Variants in PRKCB observed in about 807,000 individuals in gnomAD.
PRKCB encodes protein kinase C beta.
In PRKCB, 13 loss-of-function variants were observed where a neutral mutation model predicts 81.5. That is an observed-to-expected ratio of 0.16 (90% confidence interval 0.10 to 0.25). The LOEUF is 0.25. Among genes scored for constraint, PRKCB ranks in the 10% least tolerant of loss-of-function variants. The pLI, the probability that PRKCB is intolerant of heterozygous loss-of-function variation, is 1.00. For synonymous variants in PRKCB, 335 were observed against 321.4 expected (o/e 1.04, Z -0.45); for missense variants, 509 against 875.7 (o/e 0.58, Z 5.29).
At chr16:23,990,261 A>G (rs1408154317) in intron 3 of PRKCB, among the ~76,000 whole-genome samples, 1 of 151,866 alleles carries the variant, frequency 6.6e-6, no homozygotes, top group Non-Finnish European at 1.5e-5. Context: ...GATCGAAACC[A>G]TCCTGGCTAA....
intron 10 of PRKCB, among the ~76,000 whole-genome samples, chr16:24,166,530 A>G (rs1967349797): frequency 6.6e-6 from 1 of 152,168 alleles, no homozygotes; most frequent in African/African-American, 2.4e-5. Context: ...TGTATTTTCC[A>G]CAATATACGT....
rs193172447 is a variant in PRKCB, at chr16:24,051,681, C to G, written c.529+16134C>G. Among the ~76,000 whole-genome samples, 13 of 151,764 alleles carry G rather than the reference C, an allele frequency of 8.6e-5. No individual in the cohort carries two copies. In the East Asian group the frequency reaches 2.5e-3, roughly 29 times the overall value. On this transcript the variant is annotated intron_variant, in intron 5 of 16. Transcript: ENST00000643927. ...TTGAGGCAAGGAGTTTGAGACCAGTCTGGGCAACATAGTGAGACCCCTGTC... is the reference window on the plus strand; with the variant it reads ...TTGAGGCAAGGAGTTTGAGACCAGTGTGGGCAACATAGTGAGACCCCTGTC...
chr16:23,959,966 A>G (rs867748162), intron 2 of PRKCB, among the ~76,000 whole-genome samples: 60 of 152,260 alleles, frequency 3.9e-4, no homozygotes, highest in Middle Eastern at 3.4e-3. Context: ...ATTTCATTGC[A>G]TTCTGGCCTG....
chr16:24,212,366 C>G (rs149287731), intron 16 of PRKCB, among the ~76,000 whole-genome samples: 8 of 122,838 alleles, frequency 6.5e-5, no homozygotes, highest in Admixed American at 2.9e-4. Flanking sequence ...TTTTATTACT[C>G]TTGTTATCTC....
chr16:23,941,653 T>C (rs1283790082), intron 2 of PRKCB, among the ~76,000 whole-genome samples: 1 of 152,140 alleles, frequency 6.6e-6, no homozygotes, highest in Non-Finnish European at 1.5e-5. Context: ...AAAAATATGA[T>C]CATAGATGCA....
chr16:23,838,638 A>G (rs1246876661), intron 2 of PRKCB, among the ~76,000 whole-genome samples: 2 of 152,186 alleles, frequency 1.3e-5, no homozygotes, highest in African/African-American at 4.8e-5. Flanking sequence ...GCACTGACTG[A>G]CAGTTTTGTG....
At position 24,218,661 on chromosome 16, in the gene PRKCB, A is replaced by G; in HGVS notation, c.*3845A>G. 1.0e-6 allele frequency: 1 copy of G among 985,390 alleles called. No individual in the cohort carries two copies. Among genetic ancestry groups the G allele is most frequent in the African/African-American group, 1.7e-5 (1 of 57,328 alleles). The allele number at this position is 985,390 out of a possible 1,614,324, so 61.0% of individuals were successfully genotyped here. A position where few individuals can be genotyped will look rare whatever the true frequency, so the allele number is the denominator to read the frequency against. On this transcript the variant is annotated 3_prime_UTR_variant, in exon 17 of 17. Coordinates refer to ENST00000643927, the MANE Select transcript of PRKCB (RefSeq NM_002738.7). ...GTGAACCCAGCAATGAGAGATCCTT[A>G]ACAGCTAGTGCCCATTAGGGGGCTA...
At chr16:24,129,760 A>T (rs1966850621) in intron 9 of PRKCB, among the ~76,000 whole-genome samples, 1 of 152,220 alleles carries the variant, frequency 6.6e-6, no homozygotes, top group East Asian at 1.9e-4. Context: ...TTTTCATAAC[A>T]TATCAAATAA....
chr16:23,891,376 A>G (rs939899623), intron 2 of PRKCB, among the ~76,000 whole-genome samples: 3 of 152,094 alleles, frequency 2.0e-5, no homozygotes, highest in Non-Finnish European at 2.9e-5. Flanking sequence ...TGTTTTTACA[A>G]TGTGCTTATT....
intron 3 of PRKCB, among the ~76,000 whole-genome samples, chr16:24,014,722 G>C (rs1439068762): frequency 1.3e-5 from 2 of 152,200 alleles, no homozygotes; most frequent in Non-Finnish European, 2.9e-5. Context: ...CAGGCACTGT[G>C]CTGAGTCTTT....
chr16:24,150,203 C>T (rs931812335), intron 9 of PRKCB, among the ~76,000 whole-genome samples: 4 of 152,078 alleles, frequency 2.6e-5, no homozygotes, highest in Non-Finnish European at 4.4e-5. Context: ...TGGTGGTGGA[C>T]GCCTGTAATC....
chr16:24,000,462 T>C (rs776183633), intron 3 of PRKCB, among the ~76,000 whole-genome samples: 1 of 152,226 alleles, frequency 6.6e-6, no homozygotes, highest in Non-Finnish European at 1.5e-5. Flanking sequence ...TCTGCCCAGA[T>C]ACTCATTAGG....
chr16:23,884,569 C>G (rs555340297), intron 2 of PRKCB, among the ~76,000 whole-genome samples: 1 of 152,304 alleles, frequency 6.6e-6, no homozygotes, highest in South Asian at 2.1e-4. Context: ...GGGTTTCACT[C>G]TGTCGCCTAG....
At chr16:23,934,094 C>T (rs1964024018) in intron 2 of PRKCB, among the ~76,000 whole-genome samples, 1 of 151,982 alleles carries the variant, frequency 6.6e-6, no homozygotes, top group South Asian at 2.1e-4. Flanking sequence ...TCCCTTTGAT[C>T]AATGGAGGAT....
chr16:23,993,129 G>A (rs1964909823), intron 3 of PRKCB, among the ~76,000 whole-genome samples: 1 of 152,122 alleles, frequency 6.6e-6, no homozygotes, highest in African/African-American at 2.4e-5. Context: ...GAGATGCACT[G>A]TGTGACCCAC....
chr16:24,042,715 G>T (rs1001607448), intron 5 of PRKCB, among the ~76,000 whole-genome samples: 22 of 149,254 alleles, frequency 1.5e-4, no homozygotes, highest in African/African-American at 5.4e-4. Flanking sequence ...CTTTTGAGGT[G>T]AAATGTACAT....
chr16:23,918,120 A>G (rs1458781724), intron 2 of PRKCB, among the ~76,000 whole-genome samples: 8 of 152,170 alleles, frequency 5.3e-5, no homozygotes, highest in African/African-American at 1.9e-4. Context: ...TCTCTAAACA[A>G]GAGGGGCAGT....
intron 2 of PRKCB, among the ~76,000 whole-genome samples, chr16:23,840,623 G>C (rs1962247894): frequency 6.6e-6 from 1 of 152,134 alleles, no homozygotes; most frequent in Non-Finnish European, 1.5e-5. Context: ...AATACAAGCA[G>C]AGAGAGGATG....
intron 2 of PRKCB, among the ~76,000 whole-genome samples, chr16:23,921,321 A>G (rs757147293): frequency 3.7e-4 from 57 of 152,128 alleles, no homozygotes; most frequent in Non-Finnish European, 7.2e-4. Flanking sequence ...CCCACCTCAT[A>G]GGGATTGTGT....
Sources: allele counts gnomAD v4.1 joint callset (sites outside exome capture counted in the v4.1 genomes callset), GRCh38; gene constraint gnomAD v4.1.1; transcripts MANE v1.5; gene names NCBI Gene and HGNC (gene_info 2026-07-23, HGNC 2026-07-21).